The following CPNE4 variants were observed in gnomAD, a reference collection of about 807,000 sequenced individuals.
CPNE4 encodes the protein copine-4.
In CPNE4, 25 loss-of-function variants were observed where a neutral mutation model predicts 67.9. The observed-to-expected ratio is 0.37, with a 90% confidence interval of 0.27 to 0.51. The LOEUF (loss-of-function observed/expected upper bound fraction) is 0.51. Among genes scored for constraint, CPNE4 ranks in the 20% least tolerant of loss-of-function variants. The pLI is 0.93. For missense variants in CPNE4, 464 were observed against 690.8 expected (o/e 0.67, Z 3.68); for synonymous variants, 242 against 244.9 (o/e 0.99, Z 0.11).
At chr3:131,929,100 G>A (rs2070978098) in intron 1 of CPNE4, among the ~76,000 whole-genome samples, 1 of 147,834 alleles carries the variant, frequency 6.8e-6, no homozygotes, top group East Asian at 2.0e-4. Context: ...GGCTGGTTAA[G>A]ATTTCTCAGT....
At position 131,931,031 on chromosome 3, in the gene CPNE4, T is replaced by C. The variant is rs866624028; in HGVS notation, c.-1-25587A>G. On this transcript the variant is annotated intron_variant, in intron 1 of 15. Coordinates refer to ENST00000429747, the MANE Select transcript of CPNE4 (RefSeq NM_130808.3). ...ATCAGAAATATTTCTAATTAATGCA[T>C]AGGTCAATACTTCATACAGGAAATA... is the stretch of plus-strand genomic sequence containing the variant. Among the ~76,000 whole-genome samples, 5 of 152,112 alleles carry C rather than the reference T, an allele frequency of 3.3e-5. No homozygotes were observed. The South Asian group carries it at 8.3e-4, about 25-fold the overall frequency.
intron 1 of CPNE4, among the ~76,000 whole-genome samples, chr3:131,977,257 C>A (rs912537766): frequency 6.6e-6 from 1 of 152,136 alleles, no homozygotes; most frequent in Admixed American, 6.5e-5. Flanking sequence ...AGTGAGAGGG[C>A]TCCAAAGTTG....
intron 15 of CPNE4, among the ~76,000 whole-genome samples, chr3:131,541,533 A>G (rs1311045862): frequency 6.6e-6 from 1 of 151,364 alleles, no homozygotes; most frequent in Non-Finnish European, 1.5e-5. Context: ...AACTGATAGC[A>G]GGCGATTTCT....
At chr3:131,727,341 T>C (rs1411324774) in intron 2 of CPNE4, among the ~76,000 whole-genome samples, 2 of 152,136 alleles carry the variant, frequency 1.3e-5, no homozygotes, top group African/African-American at 4.8e-5. Flanking sequence ...AAGCCTGTAA[T>C]CCCAGCACTT....
At chr3:131,539,422 G>A (rs997128830) in intron 15 of CPNE4, among the ~76,000 whole-genome samples, 7 of 151,968 alleles carry the variant, frequency 4.6e-5, no homozygotes, top group African/African-American at 7.3e-5. Flanking sequence ...TTGAGGTCCT[G>A]TAACAACATT....
chr3:132,000,659 G>A (rs934826395), intron 1 of CPNE4, among the ~76,000 whole-genome samples: 4 of 151,562 alleles, frequency 2.6e-5, no homozygotes, highest in Non-Finnish European at 5.9e-5. Context: ...AAACCCAAAG[G>A]AATTAGAGAG....
At chr3:131,877,208 GGATTCCA>G (rs1448662673) in intron 2 of CPNE4, among the ~76,000 whole-genome samples, 1 of 151,926 alleles carries the variant, frequency 6.6e-6, no homozygotes, top group Non-Finnish European at 1.5e-5. Context: ...CTTTAAAAAA[GGATTCCA>G]GACATGGATG....
At chr3:131,585,593 A>G (rs960234847) in intron 8 of CPNE4, among the ~76,000 whole-genome samples, 2 of 152,150 alleles carry the variant, frequency 1.3e-5, no homozygotes, top group East Asian at 1.9e-4. Flanking sequence ...CTTACTTTTA[A>G]TATTTAATTA....
At chr3:131,685,122 G>A (rs1229934397) in intron 6 of CPNE4, among the ~76,000 whole-genome samples, 1 of 152,120 alleles carries the variant, frequency 6.6e-6, no homozygotes, top group African/African-American at 2.4e-5. Flanking sequence ...TTAGCTGTGA[G>A]ACCTGGGAAA....
chr3:131,882,614 T>TAA (rs201196701), intron 2 of CPNE4, among the ~76,000 whole-genome samples: 42,423 of 152,116 alleles, frequency 0.28, 7,203 homozygotes, highest in Non-Finnish European at 0.37. Context: ...TATATAATGG[T>TAA]GTTAGACACT....
At chr3:131,913,663 A>T (rs1369145015) in intron 1 of CPNE4, among the ~76,000 whole-genome samples, 1 of 152,184 alleles carries the variant, frequency 6.6e-6, no homozygotes, top group Non-Finnish European at 1.5e-5. Flanking sequence ...ATAAACTTTC[A>T]CTTCTGCTCT....
chr3:131,723,940 T>C (rs77507896), intron 2 of CPNE4, among the ~76,000 whole-genome samples: 14,402 of 151,868 alleles, frequency 0.095, 853 homozygotes, highest in South Asian at 0.13. Flanking sequence ...TCCAGGGAAT[T>C]GAAATGAGTG....
chr3:131,628,963 G>A (rs552922005), intron 7 of CPNE4, among the ~76,000 whole-genome samples: 1 of 152,152 alleles, frequency 6.6e-6, no homozygotes, highest in African/African-American at 2.4e-5. Flanking sequence ...GTTTGCTCTT[G>A]CTTCTCTAGT....
intron 2 of CPNE4, among the ~76,000 whole-genome samples, chr3:131,821,294 T>C (rs72987741): frequency 0.032 from 4,823 of 152,242 alleles, 181 homozygotes; most frequent in South Asian, 0.095. Flanking sequence ...GAAAAGGACA[T>C]TTGTTAGAGA....
At chr3:131,905,142 T>A in intron 2 of CPNE4, 122 bp downstream of exon 2, 1 of 844,228 alleles carries the variant, frequency 1.2e-6, no homozygotes, top group Non-Finnish European at 1.9e-6. Context: ...AGAAATGTGA[T>A]CATATTCACT....
At chr3:131,651,212 C>T (rs1229042984) in intron 7 of CPNE4, among the ~76,000 whole-genome samples, 1 of 152,152 alleles carries the variant, frequency 6.6e-6, no homozygotes, top group Non-Finnish European at 1.5e-5. Flanking sequence ...TACATAATTT[C>T]TCCCACATAT....
chr3:131,633,679 CA>C (rs1426696067), intron 7 of CPNE4, among the ~76,000 whole-genome samples: 1 of 151,422 alleles, frequency 6.6e-6, no homozygotes, highest in Non-Finnish European at 1.5e-5. Flanking sequence ...AGTGAGCCAT[CA>C]ATGAAAATTT....
chr3:131,970,544 T>A (rs1051728887), intron 1 of CPNE4, among the ~76,000 whole-genome samples: 3 of 152,208 alleles, frequency 2.0e-5, no homozygotes, highest in Admixed American at 2.0e-4. Context: ...AAGAAGCATA[T>A]AATTTATATA....
intron 1 of CPNE4, among the ~76,000 whole-genome samples, chr3:131,913,595 G>A (rs1465201160): frequency 6.6e-6 from 1 of 152,202 alleles, no homozygotes; most frequent in African/African-American, 2.4e-5. Flanking sequence ...CAAGTTGCCT[G>A]CTTGGCCCTC....
Sources: allele counts gnomAD v4.1 joint callset (sites outside exome capture counted in the v4.1 genomes callset), GRCh38; gene constraint gnomAD v4.1.1; transcripts MANE v1.5; gene names NCBI Gene and HGNC (gene_info 2026-07-23, HGNC 2026-07-21).